EPHA6: variants seen among roughly 807,000 people sequenced by gnomAD.
The protein encoded by EPHA6 is ephrin type-A receptor 6.
EPHA6 carries 50 observed loss-of-function variants against 112.0 expected under a neutral mutation model. The observed-to-expected ratio is 0.45, with a 90% CI of 0.36 to 0.56. The LOEUF (loss-of-function observed/expected upper bound fraction) is 0.56, where lower values mean the gene tolerates loss of function less well. Ranked by LOEUF, EPHA6 falls within the 20% of genes least tolerant of loss-of-function variation. The pLI is 0.00. For missense variants in EPHA6, 1,280 were observed against 1,417.4 expected (o/e 0.90, Z 1.56); for synonymous variants, 529 against 490.7 (o/e 1.08, Z -1.03).
chr3:96,819,517 T>G (rs1399164496), intron 1 of EPHA6, among the ~76,000 whole-genome samples: 2 of 151,982 alleles, frequency 1.3e-5, no homozygotes, highest in Non-Finnish European at 2.9e-5. Flanking sequence ...AAAGAATAGA[T>G]CCCACTTCAC....
intron 5 of EPHA6, among the ~76,000 whole-genome samples, chr3:97,254,100 A>G (rs1271248205): frequency 1.3e-5 from 2 of 152,064 alleles, no homozygotes; most frequent in Non-Finnish European, 2.9e-5. Flanking sequence ...CTGTTTTACA[A>G]AATGTGAGAT....
intron 10 of EPHA6, among the ~76,000 whole-genome samples, chr3:97,519,967 ATT>A (rs570022502): frequency 7.3e-4 from 97 of 133,700 alleles, no homozygotes; most frequent in African/African-American, 2.1e-3. Context: ...TTTGGATGCA[ATT>A]TTTTTTTTTT....
chr3:97,600,861 G>T (rs2093637779), intron 12 of EPHA6, among the ~76,000 whole-genome samples: 1 of 150,912 alleles, frequency 6.6e-6, no homozygotes, highest in Admixed American at 6.6e-5. Flanking sequence ...ATTACAAAGA[G>T]AATTTCTATT....
chr3:97,401,699 C>G (rs771859405), intron 5 of EPHA6, among the ~76,000 whole-genome samples: 1 of 151,560 alleles, frequency 6.6e-6, no homozygotes, highest in Non-Finnish European at 1.5e-5. Context: ...TTCTTTTCTT[C>G]TACTAGTTTT....
intron 3 of EPHA6, among the ~76,000 whole-genome samples, chr3:97,071,284 A>G (rs898323819): frequency 6.6e-6 from 1 of 152,086 alleles, no homozygotes; most frequent in Non-Finnish European, 1.5e-5. Context: ...TTTCCTTCCA[A>G]CAAATAAAGA....
At chr3:97,122,472 G>A (rs2048067392) in intron 3 of EPHA6, among the ~76,000 whole-genome samples, 1 of 151,918 alleles carries the variant, frequency 6.6e-6, no homozygotes, top group African/African-American at 2.4e-5. Flanking sequence ...GATTTTATAT[G>A]TTCCATTTTT....
At chr3:97,599,978 T>C (rs887797788) in intron 12 of EPHA6, among the ~76,000 whole-genome samples, 1 of 152,152 alleles carries the variant, frequency 6.6e-6, no homozygotes, top group African/African-American at 2.4e-5. Flanking sequence ...GAAGAGGTCC[T>C]TCACATCCCT....
intron 11 of EPHA6, among the ~76,000 whole-genome samples, chr3:97,574,362 T>C (rs1299241512): frequency 1.3e-5 from 2 of 152,158 alleles, no homozygotes; most frequent in African/African-American, 4.8e-5. Flanking sequence ...GAAAGTTTCT[T>C]ACAGGGAGTA....
At chr3:97,619,474 CTT>C in intron 13 of EPHA6, among the ~76,000 whole-genome samples, 1 of 144,842 alleles carries the variant, frequency 6.9e-6, no homozygotes, top group East Asian at 2.0e-4. Flanking sequence ...GGAAGTCAAA[CTT>C]ATCCCTGTTT....
rs2036136047 is a variant in EPHA6, at chr3:97,760,547, TAAAG to T, written c.*11848_*11851del. The stretch of plus-strand genomic sequence containing the variant: ...TGCTGTTCTAGCATAGCCAAAAATA[TAAAG>T]ATATAGATGTACATATACATATGTA... On this transcript the variant is annotated 3_prime_UTR_variant, in exon 18 of 18. Transcript: ENST00000389672. 1 of 101,816 alleles carries T rather than the reference TAAAG, an allele frequency of 9.8e-6. No homozygotes were observed. The highest frequency in any genetic ancestry group is 3.9e-4 in the South Asian group (1 of 2,558). 6.3% of individuals were successfully genotyped at this position (101,816 alleles called of 1,614,324 possible). A position where few individuals can be genotyped will look rare whatever the true frequency, so the allele number is the denominator to read the frequency against.
chr3:97,439,845 C>T (rs1269121280), intron 6 of EPHA6, among the ~76,000 whole-genome samples: 3 of 152,120 alleles, frequency 2.0e-5, no homozygotes, highest in Non-Finnish European at 4.4e-5. Context: ...TCAGTGTGAG[C>T]TGAAAGGTAT....
rs2036120202 is a variant in EPHA6, at chr3:97,760,064, G to A, written c.*11363G>A. ...GCAAAGCCTATCAAACTTAAAATTA[G>A]CTTAATCCTGAAAGATGTATATTGC... On this transcript the variant is annotated 3_prime_UTR_variant, in exon 18 of 18. Coordinates refer to ENST00000389672, the MANE Select transcript of EPHA6 (RefSeq NM_001080448.3). 3 of 183,780 alleles carry A rather than the reference G, an allele frequency of 1.6e-5. No individual in the cohort carries two copies. Among genetic ancestry groups the A allele is most frequent in the Admixed American group, 1.2e-4 (2 of 16,004 alleles). 11.4% of individuals were successfully genotyped at this position (183,780 alleles called of 1,614,324 possible). A position where few individuals can be genotyped will look rare whatever the true frequency, so the allele number is the denominator to read the frequency against.
chr3:97,584,783 T>C (rs1488024456), intron 11 of EPHA6, among the ~76,000 whole-genome samples: 1 of 152,094 alleles, frequency 6.6e-6, no homozygotes, highest in Non-Finnish European at 1.5e-5. Flanking sequence ...AGGAGGAAAA[T>C]ATTTATCCCC....
chr3:97,645,964 A>C (rs1055863311), intron 14 of EPHA6, among the ~76,000 whole-genome samples: 1 of 152,164 alleles, frequency 6.6e-6, no homozygotes, highest in Non-Finnish European at 1.5e-5. Flanking sequence ...CATGATAGAT[A>C]AAGGTTGGGT....
intron 1 of EPHA6, among the ~76,000 whole-genome samples, chr3:96,825,363 G>A: frequency 6.6e-6 from 1 of 151,018 alleles, no homozygotes; most frequent in East Asian, 1.9e-4. Flanking sequence ...AATTTTACTA[G>A]ATTCTGTATG....
intron 3 of EPHA6, among the ~76,000 whole-genome samples, chr3:97,159,110 G>T (rs2076355406): frequency 1.3e-5 from 2 of 152,056 alleles, no homozygotes; most frequent in African/African-American, 4.8e-5. Flanking sequence ...GCCCTGCCTG[G>T]ATTAGGTTAA....
intron 1 of EPHA6, among the ~76,000 whole-genome samples, chr3:96,838,760 A>G (rs1240474707): frequency 6.6e-6 from 1 of 152,138 alleles, no homozygotes; most frequent in Non-Finnish European, 1.5e-5. Flanking sequence ...AGTTCTAAAT[A>G]ACAACATAAA....
Position 96,899,324 on chromosome 3 carries a change from T to C in EPHA6, c.450+32435T>C, listed in dbSNP as rs192235201. ...TTATAAGGACATCAGTCATTGGACT[T>C]GGGGAGTTCCCTAATTCATTATTAT... is the stretch of plus-strand genomic sequence containing the variant. On this transcript the variant is annotated intron_variant, in intron 2 of 17. Transcript: ENST00000389672. 2.8e-3 allele frequency among the ~76,000 whole-genome samples: 434 copies of C among 152,292 alleles called. 2 individuals are homozygous for C. The highest frequency in any genetic ancestry group is 9.9e-3 in the African/African-American group (410 of 41,570).
intron 16 of EPHA6, among the ~76,000 whole-genome samples, chr3:97,743,240 A>ATG (rs2035582400): frequency 6.6e-6 from 1 of 152,124 alleles, no homozygotes; most frequent in South Asian, 2.1e-4. Flanking sequence ...CCATCATGTT[A>ATG]TGGACCAAAC....
Sources: gnomAD v4.1 joint callset for allele counts (sites outside exome capture counted in the v4.1 genomes callset) on GRCh38, gnomAD v4.1.1 for gene constraint, MANE v1.5 for transcripts, NCBI Gene and HGNC (gene_info 2026-07-23, HGNC 2026-07-21) for gene names.